KDM4B: variants seen among roughly 807,000 people sequenced by gnomAD.
KDM4B encodes lysine-specific demethylase 4B.
Under a neutral mutation model 125.2 loss-of-function variants are expected in KDM4B, and 32 were observed. The ratio of observed to expected loss-of-function variants is 0.26; its 90% CI spans 0.19 to 0.34. The LOEUF (loss-of-function observed/expected upper bound fraction) is 0.34. Ranked by LOEUF, KDM4B falls within the 10% of genes least tolerant of loss-of-function variation. The pLI, the probability that KDM4B is intolerant of heterozygous loss-of-function variation, is 1.00. For synonymous variants in KDM4B, 721 were observed against 677.9 expected (o/e 1.06, Z -0.99); for missense variants, 1,190 against 1,577.7 (o/e 0.75, Z 4.16).
At chr19:5,002,185 A>G (rs565645578) in intron 1 of KDM4B, among the ~76,000 whole-genome samples, 3 of 152,056 alleles carry the variant, frequency 2.0e-5, no homozygotes, top group African/African-American at 7.2e-5. Context: ...TTTAGTAGAG[A>G]TAGGGTTTCG....
At chr19:5,042,957 G>T (rs1031306991) in intron 5 of KDM4B, among the ~76,000 whole-genome samples, 2 of 147,416 alleles carry the variant, frequency 1.4e-5, no homozygotes, top group South Asian at 2.5e-4. Context: ...TGCACGAAGC[G>T]AAGTTTTGAC....
intron 9 of KDM4B, among the ~76,000 whole-genome samples, chr19:5,084,865 C>T (rs770935649): frequency 1.2e-4 from 18 of 151,424 alleles, no homozygotes; most frequent in African/African-American, 1.5e-4. Context: ...CTCCCCCGCC[C>T]GCCGCCCCGG....
At chr19:4,984,135 C>G (rs957216565) in intron 1 of KDM4B, among the ~76,000 whole-genome samples, 2 of 152,094 alleles carry the variant, frequency 1.3e-5, no homozygotes, top group Non-Finnish European at 2.9e-5. Flanking sequence ...TGCAGTGCCC[C>G]GGGCGGCCTC....
At chr19:4,976,711 A>G (rs1441129238) in intron 1 of KDM4B, among the ~76,000 whole-genome samples, 2 of 152,226 alleles carry the variant, frequency 1.3e-5, no homozygotes, top group Non-Finnish European at 2.9e-5. Context: ...TGGCTTATCC[A>G]GTGCAGAGCT....
chr19:5,144,637 C>T (rs1382976468), intron 20 of KDM4B, 146 bp from the exon 21 acceptor site: 10 of 1,212,688 alleles, frequency 8.2e-6, no homozygotes, highest in Non-Finnish European at 1.2e-5. Context: ...GGGCTCTGCA[C>T]CGCCCCGCTA....
chr19:4,986,977 G>A lies in KDM4B; in HGVS notation c.-109+17747G>A, dbSNP rs141616534. Among the ~76,000 whole-genome samples, 602 of 151,116 alleles carry A rather than the reference G, an allele frequency of 4.0e-3. 23 individuals carry two copies. The South Asian group carries it at 0.055, about 14-fold the overall frequency. ...TTTTATTTTATTTTTTTTTTTGTGA[G>A]ACGGAGTCTTGCTCTGTCGCCTAGG... On this transcript the variant is annotated intron_variant, in intron 1 of 22. Transcript: ENST00000159111.
chr19:5,050,373 C>T (rs922147962), intron 6 of KDM4B, among the ~76,000 whole-genome samples: 1 of 152,232 alleles, frequency 6.6e-6, no homozygotes, highest in African/African-American at 2.4e-5. Context: ...TTTGGCAATG[C>T]GGATTGAAAC....
intron 1 of KDM4B, among the ~76,000 whole-genome samples, chr19:4,973,830 A>AG (rs2034345307): frequency 6.7e-6 from 1 of 150,174 alleles, no homozygotes; most frequent in African/African-American, 2.4e-5. Flanking sequence ...ATATTAAAAA[A>AG]AAAAAAAAAA....
At chr19:5,120,408 C>T (rs982164154) in intron 11 of KDM4B, among the ~76,000 whole-genome samples, 4 of 152,354 alleles carry the variant, frequency 2.6e-5, no homozygotes, top group African/African-American at 7.2e-5. Context: ...CACTTGTGGG[C>T]AGAGGGCTGG....
rs58219404 is a variant in KDM4B at position 5,035,880 on chromosome 19, T to TGTGTGTGCGCGC, written c.141+2850_141+2851insTGTGTGCGCGCG. On this transcript the variant is annotated intron_variant, in intron 3 of 22. Coordinates refer to ENST00000159111, the MANE Select transcript of KDM4B (RefSeq NM_015015.3). This position sits in a 1 kb window ranked among gnomAD's most constrained non-coding sequence, Gnocchi z 5.3. ...ACGTGTCTCTGTGTGTGTGTGTGTG[T>TGTGTGTGCGCGC]GCGCGCGCGCGCGCGCCTGCGCGCA... Among the ~76,000 whole-genome samples the TGTGTGTGCGCGC allele has an allele frequency of 4.9e-3, 663 of 136,480 alleles. 2 individuals carry two copies. The highest frequency in any genetic ancestry group is 6.9e-3 in the Admixed American group (98 of 14,236). The allele number at this position is 136,480 out of a possible 152,430, so 89.5% of individuals were successfully genotyped here. A position where few individuals can be genotyped will look rare whatever the true frequency, so the allele number is the denominator to read the frequency against.
intron 3 of KDM4B, among the ~76,000 whole-genome samples, chr19:5,037,535 A>G (rs563346420): frequency 9.2e-5 from 14 of 152,322 alleles, no homozygotes; most frequent in Admixed American, 3.9e-4. Context: ...CACTGTGGCC[A>G]TAGTGGACAT....
intron 2 of KDM4B, among the ~76,000 whole-genome samples, chr19:5,029,100 G>A (rs1049319294): frequency 2.0e-5 from 3 of 152,156 alleles, no homozygotes; most frequent in Admixed American, 6.6e-5. Context: ...TTATAGAGAC[G>A]GAGTCTCACT....
At chr19:5,099,383 A>G (rs1212357179) in intron 9 of KDM4B, among the ~76,000 whole-genome samples, 1 of 152,216 alleles carries the variant, frequency 6.6e-6, no homozygotes, top group Non-Finnish European at 1.5e-5. Flanking sequence ...CTTATATACC[A>G]TAGGGAAGGG....
intron 6 of KDM4B, among the ~76,000 whole-genome samples, chr19:5,067,963 G>A (rs185606034): frequency 1.2e-3 from 177 of 152,294 alleles, no homozygotes; most frequent in Middle Eastern, 0.01. Flanking sequence ...CTGCCTCCCC[G>A]TGTCAGTGGC....
intron 2 of KDM4B, among the ~76,000 whole-genome samples, chr19:5,024,902 C>T (rs941116236): frequency 2.0e-5 from 3 of 152,172 alleles, no homozygotes; most frequent in South Asian, 2.1e-4. Flanking sequence ...GAGCTGAGAT[C>T]GCGCCACTGC....
intron 13 of KDM4B, 140 bp from the exon 14 acceptor site, chr19:5,133,743 A>T: frequency 1.4e-6 from 1 of 739,226 alleles, no homozygotes; most frequent in Non-Finnish European, 2.2e-6. Context: ...AGGCAGGTGG[A>T]GGGGGAGCTA....
At chr19:5,019,152 GGGTGTTGGTGTGCA>G (rs1295533003) in intron 2 of KDM4B, among the ~76,000 whole-genome samples, 3 of 145,820 alleles carry the variant, frequency 2.1e-5, no homozygotes, top group African/African-American at 5.4e-5. Context: ...GTGTTGGTGT[GGGTGTTGGTGTGCA>G]GGTGCTGGTG....
At chr19:5,100,998 A>G (rs1034531254) in intron 9 of KDM4B, among the ~76,000 whole-genome samples, 1 of 152,020 alleles carries the variant, frequency 6.6e-6, no homozygotes, top group Non-Finnish European at 1.5e-5. Context: ...AGGCGGGCGG[A>G]TCACCTGAGG....
intron 9 of KDM4B, among the ~76,000 whole-genome samples, chr19:5,098,059 GC>G (rs1451983364): frequency 6.6e-6 from 1 of 152,248 alleles, no homozygotes; most frequent in Non-Finnish European, 1.5e-5. Flanking sequence ...CAAGTGCAGA[GC>G]AAGGCAGGGC....
Sources: gnomAD v4.1 joint callset for allele counts (sites outside exome capture counted in the v4.1 genomes callset) on GRCh38, gnomAD v4.1.1 for gene constraint, Gnocchi (gnomAD v3.1) non-coding constraint, MANE v1.5 for transcripts, NCBI Gene and HGNC (gene_info 2026-07-23, HGNC 2026-07-21) for gene names.